The following SLC26A5 variants were observed in gnomAD, a reference collection of about 807,000 sequenced individuals.
SLC26A5 encodes the protein solute carrier family 26 member 5, also known as prestin.
A neutral mutation model predicts 81.0 loss-of-function variants in SLC26A5; 51 were observed. The observed-to-expected ratio is 0.63, with a 90% confidence interval of 0.50 to 0.80. The LOEUF (loss-of-function observed/expected upper bound fraction) is 0.80. Among genes scored for constraint, SLC26A5 ranks in the 30% least tolerant of loss-of-function variants. The pLI is 0.00. For synonymous variants in SLC26A5, 325 were observed against 332.8 expected, an observed-to-expected ratio of 0.98 and a Z score of 0.25; for missense variants, 771 against 905.8, an observed-to-expected ratio of 0.85 and a Z score of 1.91.
intron 4 of SLC26A5, among the ~76,000 whole-genome samples, chr7:103,417,287 T>C (rs556480633): frequency 6.6e-6 from 1 of 151,412 alleles, no homozygotes; most frequent in African/African-American, 2.4e-5. Context: ...GGAGAATTGC[T>C]TGAATCCGGG....
At chr7:103,443,936 G>C (rs1827074814) in intron 1 of SLC26A5, among the ~76,000 whole-genome samples, 1 of 152,054 alleles carries the variant, frequency 6.6e-6, no homozygotes, top group Non-Finnish European at 1.5e-5. Flanking sequence ...TTTTTCTGGG[G>C]TAAGTCCCTA....
chr7:103,403,815 T>C (rs910092387), intron 8 of SLC26A5, among the ~76,000 whole-genome samples: 1 of 152,120 alleles, frequency 6.6e-6, no homozygotes, highest in African/African-American at 2.4e-5. Context: ...CTGATGGGTT[T>C]TGACTCTTTA....
At chr7:103,390,574 T>C in intron 11 of SLC26A5, 68 bp from the exon 12 acceptor site, 1 of 1,284,840 alleles carries the variant, frequency 7.8e-7, no homozygotes, top group Non-Finnish European at 1.1e-6. Context: ...CATAAGTTGG[T>C]TTTATTCTTT....
chr7:103,398,122 C>T, intron 8 of SLC26A5, 108 bp from the exon 9 acceptor site: 1 of 871,056 alleles, frequency 1.1e-6, no homozygotes, highest in Non-Finnish European at 1.9e-6. Flanking sequence ...TCACTTTTAA[C>T]ATTCAGATTT....
chr7:103,360,488 G>T (rs1421773933), intron 19 of SLC26A5, among the ~76,000 whole-genome samples: 1 of 152,034 alleles, frequency 6.6e-6, no homozygotes, highest in Non-Finnish European at 1.5e-5. Context: ...TGACCTCCTG[G>T]GCTCAAGTGA....
chr7:103,393,302 C>T (rs1037715014), intron 9 of SLC26A5, among the ~76,000 whole-genome samples: 7 of 152,158 alleles, frequency 4.6e-5, no homozygotes, highest in African/African-American at 1.7e-4. Flanking sequence ...CAGAAGAGAT[C>T]AGATGCCGTT....
At chr7:103,364,981 A>ATATATATATATATTTATT (rs950613120) in intron 19 of SLC26A5, among the ~76,000 whole-genome samples, 3 of 140,802 alleles carry the variant, frequency 2.1e-5, no homozygotes, top group African/African-American at 7.9e-5. Flanking sequence ...ATATATATAT[A>ATATATATATATATTTATT]TATTTAGAGA....
intron 15 of SLC26A5, 21 bp downstream of exon 15, chr7:103,380,459 A>C: frequency 6.3e-7 from 1 of 1,595,370 alleles, no homozygotes; most frequent in Non-Finnish European, 8.6e-7. Flanking sequence ...AACCTTTTTA[A>C]GTGATAGAAA....
chr7:103,414,197 T>A (rs926151430), intron 4 of SLC26A5, among the ~76,000 whole-genome samples: 3 of 145,932 alleles, frequency 2.1e-5, no homozygotes, highest in Non-Finnish European at 4.5e-5. Context: ...CCCCTTTTTT[T>A]TTTTTTAAGA....
chr7:103,369,853 A>T (rs550392432), downstream of SLC26A5, among the ~76,000 whole-genome samples: 17 of 152,360 alleles, frequency 1.1e-4, no homozygotes, highest in African/African-American at 3.6e-4. Flanking sequence ...TAGGTGTATT[A>T]AAAAACTCCG....
intron 2 of SLC26A5, chr7:103,433,524 A>T (rs1407469571): frequency 2.0e-5 from 3 of 152,124 alleles, no homozygotes; most frequent in Non-Finnish European, 4.4e-5. Flanking sequence ...AACTGGTTGT[A>T]TAAATCAGTT....
chr7:103,428,694 C>T (rs1054497029), intron 2 of SLC26A5, among the ~76,000 whole-genome samples: 2 of 151,910 alleles, frequency 1.3e-5, no homozygotes, highest in African/African-American at 4.8e-5. Flanking sequence ...TCCTCAGTAG[C>T]TGGGACTACA....
At position 103,380,544 on chromosome 7, in the gene SLC26A5, C is replaced by G. The variant is rs1563516744; in HGVS notation, c.1520G>C (p.Ser507Thr). 2.5e-6 allele frequency: 4 copies of G among 1,613,516 alleles called. No homozygotes were observed. In the East Asian group the frequency reaches 8.9e-5, roughly 36 times the overall value. Residue 507 changes from serine to threonine, a missense_variant, in exon 15 of 20, where the codon AGC (serine) becomes ACC (threonine). Physicochemically the swap from Ser to Thr is moderately conservative, Grantham distance 58. Transcript: ENST00000306312. ...LTVIYRTQSP[S>T]YKVLGKLPET... Reference sequence around the variant, plus strand: ...AGGAAGCTTTCCAAGGACTTTGTAGCTTGGACTGAAGATAAAGAGTGTTAA... The same window carrying G: ...AGGAAGCTTTCCAAGGACTTTGTAGGTTGGACTGAAGATAAAGAGTGTTAA...
intron 14 of SLC26A5, among the ~76,000 whole-genome samples, chr7:103,387,126 T>C (rs1450410036): frequency 2.0e-5 from 3 of 152,254 alleles, no homozygotes; most frequent in African/African-American, 7.2e-5. Flanking sequence ...CTCTTACATA[T>C]GCTAATAAAG....
intron 19 of SLC26A5, among the ~76,000 whole-genome samples, chr7:103,375,091 C>CAT (rs982780234): frequency 7.0e-5 from 10 of 143,612 alleles, no homozygotes; most frequent in East Asian, 6.1e-4. Context: ...TATACACACA[C>CAT]ATATATATAC....
Position 103,377,772 on chromosome 7 carries a change from T to C in SLC26A5, c.1813A>G (p.Thr605Ala), listed in dbSNP as rs142849754. 3.7e-4 allele frequency: 597 copies of C among 1,614,080 alleles called. 1 individual carries two copies. In the African/African-American group the frequency reaches 6.7e-3, roughly 18 times the overall value. The part of the protein sequence containing the change: ...ADAEVDGEDA[T>A]KPEEEDGEVK... Reference sequence around the variant, plus strand: ...TCACCATCCTCTTCTTCAGGCTTGGTAGCATCCTCTCCATCTACTTCTGCA... The same window carrying C: ...TCACCATCCTCTTCTTCAGGCTTGGCAGCATCCTCTCCATCTACTTCTGCA... The change falls in exon 18 of 20, where the codon ACC becomes GCC. Residue 605 changes from threonine (T) to alanine (A), a missense_variant. Transcript: ENST00000306312.
chr7:103,406,593 G>A (rs1337641379), intron 8 of SLC26A5, among the ~76,000 whole-genome samples: 1 of 149,490 alleles, frequency 6.7e-6, no homozygotes, highest in Non-Finnish European at 1.5e-5. Context: ...TGTTGATCTC[G>A]AAGGGAGCTG....
intron 19 of SLC26A5, chr7:103,365,950 C>A: frequency 1.3e-6 from 1 of 741,908 alleles, no homozygotes; most frequent in Non-Finnish European, 2.1e-6. Flanking sequence ...AAATAAAAAA[C>A]GTTTAGGTAA....
intron 14 of SLC26A5, among the ~76,000 whole-genome samples, chr7:103,386,691 AC>A (rs1372861493): frequency 6.6e-6 from 1 of 152,172 alleles, no homozygotes; most frequent in African/African-American, 2.4e-5. Context: ...AGTAAAAAAA[AC>A]AAAAAACACC....
Sources: gnomAD v4.1 joint callset for allele counts (sites outside exome capture counted in the v4.1 genomes callset) on GRCh38, gnomAD v4.1.1 for gene constraint, MANE v1.5 for transcripts, NCBI Gene and HGNC (gene_info 2026-07-23, HGNC 2026-07-21) for gene names.